Variants in GRID1 observed in about 807,000 individuals in gnomAD.
The protein encoded by GRID1 is glutamate receptor ionotropic, delta-1.
In GRID1, 28 loss-of-function variants were observed where a neutral mutation model predicts 98.0. That is an observed-to-expected ratio of 0.29 (90% CI 0.21 to 0.39). The LOEUF (loss-of-function observed/expected upper bound fraction) is 0.39. GRID1 is among the 10% of genes least tolerant of loss of function. The probability of loss-of-function intolerance (pLI) is 1.00; values close to 1 mark genes in which losing one functional copy is unlikely to be tolerated. For synonymous variants in GRID1, 553 were observed against 538.5 expected (o/e 1.03, Z -0.37); for missense variants, 1,111 against 1,340.5 (o/e 0.83, Z 2.67).
At chr10:85,649,487 C>CT (rs566169350) in intron 12 of GRID1, among the ~76,000 whole-genome samples, 5,053 of 147,144 alleles carry the variant, frequency 0.034, 121 homozygotes, top group Non-Finnish European at 0.049. Context: ...GGAGGGGGAT[C>CT]TTTTTTTTTT....
rs1848675037 is a variant in GRID1 at position 86,366,165 on chromosome 10, T to G, written c.79+149A>C. On this transcript the variant is annotated intron_variant, in intron 1 of 15. Coordinates refer to ENST00000327946, the MANE Select transcript of GRID1 (RefSeq NM_017551.3). The surrounding 1 kb of genome is among the most constrained non-coding windows in gnomAD (Gnocchi z 4.1). ...GAGCGCGGCGCGGCCGGTGCACAGC[T>G]CCTCCGCCGGGCGGCGCGGCGCGGC... is the stretch of plus-strand genomic sequence containing the variant. The G allele has an allele frequency of 7.9e-6, 3 of 379,046 alleles. No individual in the cohort carries two copies. The highest frequency in any genetic ancestry group is 1.3e-5 in the Non-Finnish European group (3 of 225,984). The allele number at this position is 379,046 out of a possible 1,614,324, so 23.5% of individuals were successfully genotyped here.
At chr10:85,974,231 A>G (rs531106648) in intron 4 of GRID1, among the ~76,000 whole-genome samples, 42 of 152,362 alleles carry the variant, frequency 2.8e-4, no homozygotes, top group African/African-American at 9.9e-4. Context: ...GTCAATATTT[A>G]GGAAAGAAAT....
At chr10:85,631,745 A>G (rs929563346) in intron 13 of GRID1, among the ~76,000 whole-genome samples, 2 of 152,230 alleles carry the variant, frequency 1.3e-5, no homozygotes, top group Non-Finnish European at 2.9e-5. Context: ...AATCTGAGTT[A>G]TTCCATGGGA....
chr10:85,607,860 C>G (rs1842690603), intron 15 of GRID1, among the ~76,000 whole-genome samples: 1 of 150,312 alleles, frequency 6.7e-6, no homozygotes, highest in East Asian at 2.0e-4. Flanking sequence ...CTCTGTCACC[C>G]AGGCTAGAGT....
chr10:85,984,232 C>T (rs1181230940), intron 4 of GRID1, among the ~76,000 whole-genome samples: 2 of 152,140 alleles, frequency 1.3e-5, no homozygotes, highest in Non-Finnish European at 2.9e-5. Flanking sequence ...CCCCTGAGCC[C>T]CCAATCTGGG....
At chr10:86,050,755 G>A (rs1843490320) in intron 4 of GRID1, among the ~76,000 whole-genome samples, 1 of 151,938 alleles carries the variant, frequency 6.6e-6, no homozygotes, top group African/African-American at 2.4e-5. Flanking sequence ...CATAAAGATT[G>A]GTTTTCCCTA....
intron 4 of GRID1, among the ~76,000 whole-genome samples, chr10:86,037,341 C>G (rs965366964): frequency 3.3e-5 from 5 of 152,194 alleles, no homozygotes; most frequent in African/African-American, 1.2e-4. Context: ...AACATGCAAG[C>G]TTGGAATCCT....
Position 86,365,748 on chromosome 10 carries a change from C to T in GRID1, c.79+566G>A, listed in dbSNP as rs983145373. ...CAGGCAGACACTGTGTCCACTCTAACAGGCTGACAGACAGTCGTGCACGCA... is the reference window on the plus strand; with the variant it reads ...CAGGCAGACACTGTGTCCACTCTAATAGGCTGACAGACAGTCGTGCACGCA... On this transcript the variant is annotated intron_variant, in intron 1 of 15. Transcript: ENST00000327946. The surrounding 1 kb of genome is among the most constrained non-coding windows in gnomAD (Gnocchi z 4.8). Among the ~76,000 whole-genome samples the T allele has an allele frequency of 6.6e-6, 1 of 152,158 alleles. No individual in the cohort carries two copies. The highest frequency in any genetic ancestry group is 1.9e-4 in the East Asian group (1 of 5,172).
intron 8 of GRID1, among the ~76,000 whole-genome samples, chr10:85,800,333 C>T (rs1314140623): frequency 6.6e-6 from 1 of 152,024 alleles, no homozygotes; most frequent in Non-Finnish European, 1.5e-5. Flanking sequence ...ATTTATAATA[C>T]AGTCCCGAAA....
At chr10:85,623,963 C>A (rs766957123) in intron 13 of GRID1, among the ~76,000 whole-genome samples, 1 of 152,168 alleles carries the variant, frequency 6.6e-6, no homozygotes, top group Non-Finnish European at 1.5e-5. Flanking sequence ...CATCTCCTTG[C>A]AGGTGTCCCA....
At chr10:86,225,276 C>T (rs1846322419) in intron 2 of GRID1, among the ~76,000 whole-genome samples, 1 of 152,190 alleles carries the variant, frequency 6.6e-6, no homozygotes, top group Non-Finnish European at 1.5e-5. Context: ...TGATTCACTA[C>T]TTGCATTTCT....
intron 3 of GRID1, among the ~76,000 whole-genome samples, chr10:86,162,248 G>T (rs945468189): frequency 1.3e-5 from 2 of 152,172 alleles, no homozygotes; most frequent in East Asian, 1.9e-4. Context: ...AGGGAAGAGG[G>T]TGCAGCCATC....
rs529288166 is a variant in GRID1, at chr10:85,857,047, G to A, written c.952-857C>T. ...CCTCAGAAAGACCACTCTGGTCGCCGGACACGCCTAGGGTGAATGGTGGCC... is the reference window on the plus strand; with the variant it reads ...CCTCAGAAAGACCACTCTGGTCGCCAGACACGCCTAGGGTGAATGGTGGCC... On this transcript the variant is annotated intron_variant, in intron 6 of 15. Transcript: ENST00000327946. 2.0e-4 allele frequency among the ~76,000 whole-genome samples: 30 copies of A among 152,280 alleles called. No homozygotes were observed. The South Asian group carries it at 3.3e-3, about 17-fold the overall frequency.
chr10:86,108,244 C>T (rs751618697), intron 4 of GRID1, among the ~76,000 whole-genome samples: 1 of 152,164 alleles, frequency 6.6e-6, no homozygotes, highest in Non-Finnish European at 1.5e-5. Flanking sequence ...GCACACCCTG[C>T]GAGGGGGACA....
rs1461895229 is a variant in GRID1 at position 86,110,261 on chromosome 10, ACCGCCC to A, written c.726+28552_726+28557del. Among the ~76,000 whole-genome samples, 9 of 152,188 alleles carry A rather than the reference ACCGCCC, an allele frequency of 5.9e-5. No homozygotes were observed. The South Asian group carries it at 1.9e-3, about 32-fold the overall frequency. ...AGTGTTGGGATTACAGGCATGAGCC[ACCGCCC>A]CCGGCCTTCCATTCTTTATTCACCC... On this transcript the variant is annotated intron_variant, in intron 4 of 15. Coordinates refer to ENST00000327946, the MANE Select transcript of GRID1 (RefSeq NM_017551.3).
At chr10:85,613,301 A>T in intron 15 of GRID1, 106 bp downstream of exon 15, 1 of 1,103,814 alleles carries the variant, frequency 9.1e-7, no homozygotes. Flanking sequence ...TCCAGACAAG[A>T]TGACTCAGGT....
At position 85,978,343 on chromosome 10, in the gene GRID1, A is replaced by T. The variant is rs924970604; in HGVS notation, c.727-62104T>A. Among the ~76,000 whole-genome samples the T allele has an allele frequency of 3.3e-4, 50 of 152,236 alleles. 1 individual carries two copies. The highest frequency in any genetic ancestry group is 1.2e-3 in the African/African-American group (49 of 41,466). On this transcript the variant is annotated intron_variant, in intron 4 of 15. Coordinates refer to ENST00000327946, the MANE Select transcript of GRID1 (RefSeq NM_017551.3). ...GAAAAACATATTGCATTTACTTAGA[A>T]GCATTTTCTCCAAAGGGACTGGGTA...
chr10:86,210,371 G>A (rs555905428), intron 2 of GRID1, among the ~76,000 whole-genome samples: 1 of 152,336 alleles, frequency 6.6e-6, no homozygotes, highest in African/African-American at 2.4e-5. Flanking sequence ...CCATGGGCAT[G>A]TCCCTTTCTC....
At chr10:85,928,018 T>C (rs933319793) in intron 4 of GRID1, among the ~76,000 whole-genome samples, 2 of 152,178 alleles carry the variant, frequency 1.3e-5, no homozygotes, top group African/African-American at 4.8e-5. Flanking sequence ...GGTTGAAAAC[T>C]GAGTAAGGTA....
Sources: gnomAD v4.1 joint callset for allele counts (sites outside exome capture counted in the v4.1 genomes callset) on GRCh38, gnomAD v4.1.1 for gene constraint, Gnocchi (gnomAD v3.1) non-coding constraint, MANE v1.5 for transcripts, NCBI Gene and HGNC (gene_info 2026-07-23, HGNC 2026-07-21) for gene names.